The following AUTS2 variants were observed in gnomAD, a reference collection of about 807,000 sequenced individuals.
The protein encoded by AUTS2 is activator of transcription and developmental regulator AUTS2.
Under a neutral mutation model 112.4 loss-of-function variants are expected in AUTS2, and 17 were observed. That is an observed-to-expected ratio of 0.15 (90% CI 0.10 to 0.23). The LOEUF is 0.23. AUTS2 is among the 10% of genes least tolerant of loss of function. The pLI, the probability that AUTS2 is intolerant of heterozygous loss-of-function variation, is 1.00. For synonymous variants in AUTS2, 751 were observed against 702.7 expected (o/e 1.07, Z -1.09); for missense variants, 1,510 against 1,701.6 (o/e 0.89, Z 1.98).
intron 5 of AUTS2, among the ~76,000 whole-genome samples, chr7:70,551,623 A>G (rs1411597413): frequency 6.6e-6 from 1 of 152,216 alleles, no homozygotes; most frequent in Non-Finnish European, 1.5e-5. Context: ...CATGACAACT[A>G]AATGTAATGG....
chr7:70,655,821 C>T (rs1199597995), intron 5 of AUTS2, among the ~76,000 whole-genome samples: 2 of 152,176 alleles, frequency 1.3e-5, no homozygotes, highest in Non-Finnish European at 2.9e-5. Flanking sequence ...CCCAGCTGAA[C>T]CCCCTAGACA....
At chr7:69,918,709 G>T (rs1464523595) in intron 2 of AUTS2, among the ~76,000 whole-genome samples, 1 of 152,176 alleles carries the variant, frequency 6.6e-6, no homozygotes, top group Non-Finnish European at 1.5e-5. Context: ...CAGTATTATA[G>T]TTCCCCTGGC....
intron 5 of AUTS2, among the ~76,000 whole-genome samples, chr7:70,662,282 C>A (rs946787090): frequency 5.9e-5 from 9 of 152,232 alleles, no homozygotes; most frequent in Non-Finnish European, 1.0e-4. Context: ...TAGGTAGACT[C>A]GTAAGACGGG....
intron 6 of AUTS2, among the ~76,000 whole-genome samples, chr7:70,700,878 G>A (rs943269184): frequency 1.3e-5 from 2 of 152,170 alleles, no homozygotes; most frequent in African/African-American, 4.8e-5. Context: ...CCTGCAAGGC[G>A]GCCTGCCTGC....
At chr7:70,171,164 T>G (rs926917759) in intron 4 of AUTS2, among the ~76,000 whole-genome samples, 2 of 152,176 alleles carry the variant, frequency 1.3e-5, no homozygotes, top group African/African-American at 4.8e-5. Flanking sequence ...TATTTCAAAA[T>G]TGAAAATTCT....
chr7:69,930,760 T>A lies in AUTS2; in HGVS notation c.522+31262T>A, dbSNP rs540327166. On this transcript the variant is annotated intron_variant, in intron 2 of 18. Transcript: ENST00000342771. ...GCCTTGTTCTTTCAGTCTTGTCAGT[T>A]CTTACTTCCTAGTATATTTGACATT... Among the ~76,000 whole-genome samples the A allele has an allele frequency of 2.6e-5, 4 of 152,290 alleles. No homozygotes were observed. The South Asian group carries it at 8.3e-4, about 32-fold the overall frequency.
At chr7:69,962,820 A>C (rs150245939) in intron 2 of AUTS2, among the ~76,000 whole-genome samples, 4 of 152,206 alleles carry the variant, frequency 2.6e-5, no homozygotes, top group African/African-American at 9.6e-5. Context: ...TTAGCAGAAG[A>C]AAAGCACGTA....
At chr7:69,871,143 C>A (rs1793478190) in intron 1 of AUTS2, among the ~76,000 whole-genome samples, 1 of 152,170 alleles carries the variant, frequency 6.6e-6, no homozygotes, top group Non-Finnish European at 1.5e-5. Context: ...CTGAAAGGGA[C>A]TGTCTTTCCC....
At chr7:70,133,492 A>G (rs576997556) in intron 3 of AUTS2, among the ~76,000 whole-genome samples, 1 of 152,328 alleles carries the variant, frequency 6.6e-6, no homozygotes, top group East Asian at 1.9e-4. Flanking sequence ...AGTAGGGGGC[A>G]GGACATGTAG....
At chr7:70,479,378 C>G (rs576035746) in intron 5 of AUTS2, among the ~76,000 whole-genome samples, 1 of 152,118 alleles carries the variant, frequency 6.6e-6, no homozygotes, top group African/African-American at 2.4e-5. Context: ...TTCAGAGGCA[C>G]GCTCTGAGGC....
In AUTS2 at chr7:70,785,000, C is replaced by T. The variant is rs1301078103; in HGVS notation, c.2205C>T (p.Leu735=). ...FGPPPHHSNF[L]NPAAHLEPFN... ...CACCTCCTCATCACAGCAACTTCCT[C>T]AACCCTGCTGCCCACCTAGGTGAGT... The change falls in exon 16 of 19, where the codon CTC becomes CTT. Residue 735 remains leucine (L), a synonymous_variant. Transcript: ENST00000342771. 2 of 1,614,200 alleles carry T rather than the reference C, an allele frequency of 1.2e-6. No individual in the cohort carries two copies. Among genetic ancestry groups the T allele is most frequent in the South Asian group, 1.1e-5 (1 of 91,086 alleles).
intron 2 of AUTS2, among the ~76,000 whole-genome samples, chr7:69,975,507 A>G (rs1798018017): frequency 6.6e-6 from 1 of 151,986 alleles, no homozygotes; most frequent in Non-Finnish European, 1.5e-5. Context: ...CTTTGGTTAT[A>G]ATCCCACAGA....
chr7:69,760,798 C>T (rs1216568886), intron 1 of AUTS2, among the ~76,000 whole-genome samples: 1 of 152,088 alleles, frequency 6.6e-6, no homozygotes, highest in Non-Finnish European at 1.5e-5. Flanking sequence ...CCAGCCTGGG[C>T]AAGAGAGCAA....
chr7:69,817,452 A>G (rs1485182099), intron 1 of AUTS2, among the ~76,000 whole-genome samples: 1 of 152,226 alleles, frequency 6.6e-6, no homozygotes, highest in Non-Finnish European at 1.5e-5. Context: ...TGTCTGGCTA[A>G]GGGAACCTTA....
At chr7:69,734,156 G>A (rs1166005898) in intron 1 of AUTS2, among the ~76,000 whole-genome samples, 1 of 152,072 alleles carries the variant, frequency 6.6e-6, no homozygotes, top group Admixed American at 6.5e-5. Context: ...AAACAAGATG[G>A]CTGTGTTTGC....
chr7:69,642,755 C>T (rs1385876611), intron 1 of AUTS2, among the ~76,000 whole-genome samples: 2 of 152,150 alleles, frequency 1.3e-5, no homozygotes, highest in African/African-American at 4.8e-5. Context: ...TTCCCTCACA[C>T]AGTCTCAGGC....
intron 1 of AUTS2, among the ~76,000 whole-genome samples, chr7:69,635,563 G>A (rs1794481593): frequency 1.3e-5 from 2 of 152,188 alleles, no homozygotes; most frequent in Non-Finnish European, 2.9e-5. Flanking sequence ...CTGGATTAAT[G>A]TTCTGGGCCC....
chr7:70,536,487 C>G (rs1026049275), intron 5 of AUTS2, among the ~76,000 whole-genome samples: 25 of 150,394 alleles, frequency 1.7e-4, no homozygotes, highest in African/African-American at 6.1e-4. Context: ...GCAGAGTAGG[C>G]ACACCTCTCT....
chr7:69,822,423 C>G (rs1241523860), intron 1 of AUTS2, among the ~76,000 whole-genome samples: 1 of 152,110 alleles, frequency 6.6e-6, no homozygotes, highest in East Asian at 1.9e-4. Context: ...GGAATTGGGA[C>G]CAGTTGGGCA....
Sources: allele counts gnomAD v4.1 joint callset (sites outside exome capture counted in the v4.1 genomes callset), GRCh38; gene constraint gnomAD v4.1.1; transcripts MANE v1.5; gene names NCBI Gene and HGNC (gene_info 2026-07-23, HGNC 2026-07-21).